GDF1: variants seen among roughly 807,000 people sequenced by gnomAD.
The protein encoded by GDF1 is growth differentiation factor 1.
Under a neutral mutation model 7.4 loss-of-function variants are expected in GDF1, and 8 were observed. The ratio of observed to expected loss-of-function variants is 1.09; its 90% confidence interval spans 0.64 to 1.96. GDF1 has a LOEUF of 1.96. GDF1 is among the 30% of genes most tolerant of loss of function. The pLI is 0.00. For missense variants in GDF1, 574 were observed against 551.5 expected, an observed-to-expected ratio of 1.04 and a Z score of -0.41; for synonymous variants, 311 against 276.7, an observed-to-expected ratio of 1.12 and a Z score of -1.23.
intron 6 of GDF1, chr19:18,877,905 A>G (rs1310824645): frequency 2.1e-6 from 2 of 951,074 alleles, no homozygotes; most frequent in East Asian, 1.2e-4. Context: ...GCTCGAGCCA[A>G]AAGTCTTGAG....
Position 18,870,180 on chromosome 19 carries a change from A to G in GDF1, c.128T>C (p.Leu43Pro), listed in dbSNP as rs758524812. Residue 43 changes from leucine to proline, a missense_variant, in exon 7 of 8, where the codon CTA becomes CCA. By Grantham distance (98) the Leu-to-Pro change is moderately conservative. Coordinates refer to ENST00000247005, the MANE Select transcript of GDF1 (RefSeq NM_001492.6). The surrounding 1 kb of genome is among the most constrained non-coding windows in gnomAD (Gnocchi z 5.1). The part of the protein sequence containing the change: ...PGPAAALLQA[L>P]GLRDEPQGAP... ...ACCCTGGGGCTCATCGCGCAGTCCT[A>G]GAGCCTGGAGCAGGGCGGCGGCTGG... 3.8e-6 allele frequency: 6 copies of G among 1,566,518 alleles called. No individual in the cohort carries two copies. In the South Asian group the frequency reaches 7.0e-5, roughly 18 times the overall value.
intron 6 of GDF1, among the ~76,000 whole-genome samples, chr19:18,877,441 A>G (rs1194750078): frequency 6.6e-6 from 1 of 152,210 alleles, no homozygotes. Context: ...GGAGAGACCT[A>G]GCTGATCTCT....
intron 3 of GDF1, among the ~76,000 whole-genome samples, chr19:18,883,688 A>G (rs1402218984): frequency 1.3e-5 from 2 of 152,228 alleles, no homozygotes; most frequent in Non-Finnish European, 2.9e-5. Flanking sequence ...GGTTGGCTCT[A>G]GAACATCAGG....
intron 3 of GDF1, among the ~76,000 whole-genome samples, chr19:18,881,218 T>A (rs1234863329): frequency 3.3e-5 from 5 of 151,472 alleles, no homozygotes; most frequent in South Asian, 2.1e-4. Flanking sequence ...CTTTTTTTTT[T>A]TAATTTTTTT....
intron 2 of GDF1, 45 bp downstream of exon 2, chr19:18,893,371 G>C (rs756927913): frequency 1.9e-6 from 3 of 1,551,560 alleles, no homozygotes; most frequent in South Asian, 2.4e-5. Context: ...TGGCGTCTTT[G>C]TGTTTTAAGC....
intron 2 of GDF1, among the ~76,000 whole-genome samples, chr19:18,886,441 CG>C (rs1376375733): frequency 6.6e-6 from 1 of 151,958 alleles, no homozygotes; most frequent in African/African-American, 2.4e-5. Context: ...CCCAGCTACT[CG>C]GGAGGCTGAG....
intron 6 of GDF1, among the ~76,000 whole-genome samples, chr19:18,873,482 AC>A (rs2056010595): frequency 6.6e-6 from 1 of 151,496 alleles, no homozygotes; most frequent in South Asian, 2.1e-4. Context: ...GGATCACCTG[AC>A]CCTAGGAGTT....
chr19:18,870,660 C>G lies in GDF1; in HGVS notation c.-312-41G>C. On this transcript the variant is annotated intron_variant, in intron 6 of 7. Transcript: ENST00000247005. The surrounding 1 kb of genome is among the most constrained non-coding windows in gnomAD (Gnocchi z 5.1). Reference sequence around the variant, plus strand: ...GGCGCAGGTTAGCCTGGGAGCCCCACGCGGCCGCCTGGCCCTCTTTCCCGC... The same window carrying G: ...GGCGCAGGTTAGCCTGGGAGCCCCAGGCGGCCGCCTGGCCCTCTTTCCCGC... 5.8e-6 allele frequency: 3 copies of G among 516,508 alleles called. No individual in the cohort carries two copies. The highest frequency in any genetic ancestry group is 6.7e-5 in the South Asian group (2 of 30,006). The allele number at this position is 516,508 out of a possible 1,614,324, so 32.0% of individuals were successfully genotyped here. A position where few individuals can be genotyped will look rare whatever the true frequency, so the allele number is the denominator to read the frequency against.
chr19:18,893,621 G>A, intron 1 of GDF1, 46 bp from the exon 2 acceptor site: 2 of 1,564,844 alleles, frequency 1.3e-6, no homozygotes, highest in East Asian at 2.3e-5. Context: ...CTGGGGGCCA[G>A]AGACTGCTCC....
Position 18,884,178 on chromosome 19 carries a change from G to T in GDF1, c.-824C>A. On this transcript the variant is annotated 5_prime_UTR_variant, in exon 3 of 8. Transcript: ENST00000247005. ...TCCTTGCGCCAGGTGTCCATGTATA[G>T]CGTAGCGTAGATGGAGTGGCCATAG... 6.2e-7 allele frequency: 1 copy of T among 1,613,722 alleles called. No homozygotes were observed. Among genetic ancestry groups the T allele is most frequent in the South Asian group, 1.1e-5 (1 of 91,046 alleles).
Position 18,871,570 on chromosome 19 carries a change from G to T in GDF1, c.-312-951C>A, listed in dbSNP as rs542064536. Among the ~76,000 whole-genome samples, 244 of 152,274 alleles carry T rather than the reference G, an allele frequency of 1.6e-3. 1 individual carries two copies. Among genetic ancestry groups the T allele is most frequent in the Non-Finnish European group, 3.0e-3 (203 of 68,028 alleles). On this transcript the variant is annotated intron_variant, in intron 6 of 7. Transcript: ENST00000247005. The stretch of plus-strand genomic sequence containing the variant: ...GTTGAGATGAGGTCGCTATGTTGTA[G>T]AGGTGAGGTTGCTATGTTGTCCAGG...
rs868026629 is a variant in GDF1 at position 18,869,120 on chromosome 19, A to G, written c.596T>C (p.Leu199Pro). ...ALGPPVRAEL[L>P]GAAWARNASW... The stretch of plus-strand genomic sequence containing the variant: ...GGCGTTGCGAGCCCAAGCGGCGCCC[A>G]GCAGCTCCGCGCGCACTGGCGGCCC... Residue 199 changes from leucine to proline, a missense_variant, in exon 8 of 8, where the codon CTG (leucine) becomes CCG (proline). Transcript: ENST00000247005. 6 of 1,090,704 alleles carry G rather than the reference A, an allele frequency of 5.5e-6. No homozygotes were observed. Among genetic ancestry groups the G allele is most frequent in the Middle Eastern group, 8.3e-4 (2 of 2,416 alleles). 67.6% of individuals were successfully genotyped at this position (1,090,704 alleles called of 1,614,324 possible). A position where few individuals can be genotyped will look rare whatever the true frequency, so the allele number is the denominator to read the frequency against.
chr19:18,884,918 G>T (rs562891995), intron 2 of GDF1, among the ~76,000 whole-genome samples: 1 of 151,400 alleles, frequency 6.6e-6, no homozygotes, highest in East Asian at 2.0e-4. Context: ...CTTTTGCCAT[G>T]TTGGACAGAC....
Position 18,870,062 on chromosome 19 carries a change from G to A in GDF1, c.246C>T (p.Ser82=). 1 of 1,586,952 alleles carries A rather than the reference G, an allele frequency of 6.3e-7. No homozygotes were observed. Among genetic ancestry groups the A allele is most frequent in the Non-Finnish European group, 8.5e-7 (1 of 1,171,292 alleles). The change falls in exon 7 of 8, where the codon TCC becomes TCT. Residue 82 remains serine, a synonymous_variant. Transcript: ENST00000247005. The surrounding 1 kb of genome is among the most constrained non-coding windows in gnomAD (Gnocchi z 5.1). ...GGCACGGTTGCAGGGTGACCCCTGG[G>A]GACGTCCGCCGCGAGCCAGACCTGG... ...QETRSGSRRT[S]PGVTLQPCHV...
intron 2 of GDF1, 123 bp from the exon 3 acceptor site, chr19:18,884,390 G>C: frequency 1.2e-6 from 1 of 856,810 alleles, no homozygotes; most frequent in East Asian, 2.7e-5. Flanking sequence ...ATGCGTGTCT[G>C]ACTGCTGGCT....
chr19:18,892,557 T>C (rs1343050004), intron 2 of GDF1, among the ~76,000 whole-genome samples: 1 of 151,912 alleles, frequency 6.6e-6, no homozygotes, highest in Non-Finnish European at 1.5e-5. Context: ...GAGCTCACAG[T>C]GAGCCGAGAT....
chr19:18,890,432 G>A (rs1181509291), intron 2 of GDF1, among the ~76,000 whole-genome samples: 2 of 152,168 alleles, frequency 1.3e-5, no homozygotes, highest in Admixed American at 6.6e-5. Context: ...TACAGTAGTC[G>A]CTCAATAAAT....
At chr19:18,873,787 G>A (rs1281093965) in intron 6 of GDF1, among the ~76,000 whole-genome samples, 1 of 148,470 alleles carries the variant, frequency 6.7e-6, no homozygotes, top group East Asian at 2.0e-4. Context: ...GTTGCAGTGA[G>A]CCGAGATCTC....
chr19:18,877,273 G>A (rs540589873), intron 6 of GDF1, among the ~76,000 whole-genome samples: 1 of 152,334 alleles, frequency 6.6e-6, no homozygotes, highest in Admixed American at 6.5e-5. Flanking sequence ...AGACACTGGT[G>A]GGGCTGGGAG....
Sources: allele counts gnomAD v4.1 joint callset (sites outside exome capture counted in the v4.1 genomes callset), GRCh38; gene constraint gnomAD v4.1.1; non-coding constraint Gnocchi (gnomAD v3.1); transcripts MANE v1.5; gene names NCBI Gene and HGNC (gene_info 2026-07-23, HGNC 2026-07-21).